Variants in PLEKHG1 observed in about 807,000 individuals in gnomAD.
PLEKHG1 encodes pleckstrin homology domain-containing family G member 1.
PLEKHG1 carries 44 observed loss-of-function variants against 100.8 expected under a neutral mutation model. The ratio of observed to expected loss-of-function variants is 0.44; its 90% CI spans 0.34 to 0.56. The LOEUF (loss-of-function observed/expected upper bound fraction) is 0.56. Among genes scored for constraint, PLEKHG1 ranks in the 20% least tolerant of loss-of-function variants. PLEKHG1 has a pLI of 0.01. For synonymous variants in PLEKHG1, 640 were observed against 662.5 expected, an observed-to-expected ratio of 0.97 and a Z score of 0.52; for missense variants, 1,545 against 1,720.9, an observed-to-expected ratio of 0.90 and a Z score of 1.81.
intron 3 of PLEKHG1, among the ~76,000 whole-genome samples, chr6:150,711,700 G>C (rs1247504142): frequency 1.3e-5 from 2 of 152,156 alleles, no homozygotes; most frequent in Non-Finnish European, 2.9e-5. Flanking sequence ...AAAGGCAGGG[G>C]TGTTTATCTG....
At chr6:150,721,354 G>C (rs948696149) in intron 1 of PLEKHG1, among the ~76,000 whole-genome samples, 12 of 152,160 alleles carry the variant, frequency 7.9e-5, no homozygotes, top group Middle Eastern at 3.4e-3. Context: ...CTGGATCAAG[G>C]AAAACTCTCT....
intron 10 of PLEKHG1, among the ~76,000 whole-genome samples, chr6:150,813,426 C>T (rs1035117099): frequency 3.3e-5 from 5 of 151,760 alleles, no homozygotes; most frequent in Non-Finnish European, 5.9e-5. Context: ...ATTTCAAAAT[C>T]TGCTCAGCAG....
Position 150,763,113 on chromosome 6 carries a change from C to T in PLEKHG1, c.412-5525C>T, listed in dbSNP as rs112458941. On this transcript the variant is annotated intron_variant, in intron 2 of 15. Coordinates refer to ENST00000358517, the Ensembl canonical transcript of PLEKHG1. Reference sequence around the variant, plus strand: ...CACAATCTCAACTCACTGCAACCTCCGCATCCCAGGTTCAAGCAATTCCCC... The same window carrying T: ...CACAATCTCAACTCACTGCAACCTCTGCATCCCAGGTTCAAGCAATTCCCC... 4.2e-4 allele frequency among the ~76,000 whole-genome samples: 61 copies of T among 145,888 alleles called. 1 individual carries two copies. Among genetic ancestry groups the T allele is most frequent in the African/African-American group, 1.4e-3 (52 of 38,056 alleles).
chr6:150,767,774 T>C (rs1784519466), intron 2 of PLEKHG1, among the ~76,000 whole-genome samples: 1 of 152,184 alleles, frequency 6.6e-6, no homozygotes, highest in Non-Finnish European at 1.5e-5. Context: ...CATGTTACGT[T>C]TGGGAGGGAG....
chr6:150,725,622 G>A (rs1240181178), intron 1 of PLEKHG1, among the ~76,000 whole-genome samples: 1 of 152,060 alleles, frequency 6.6e-6, no homozygotes, highest in Non-Finnish European at 1.5e-5. Flanking sequence ...GATTTCCTTT[G>A]CTGTGCAGAA....
At chr6:150,703,736 T>C (rs1163988932) in intron 3 of PLEKHG1, among the ~76,000 whole-genome samples, 1 of 152,200 alleles carries the variant, frequency 6.6e-6, no homozygotes, top group East Asian at 1.9e-4. Context: ...CATTCTTGTG[T>C]CACAGCAGTG....
intron 10 of PLEKHG1, among the ~76,000 whole-genome samples, chr6:150,816,186 C>T (rs758193161): frequency 2.0e-5 from 3 of 152,086 alleles, no homozygotes; most frequent in Non-Finnish European, 4.4e-5. Context: ...ATTTTGGTCA[C>T]TGTCACTGCA....
At chr6:150,628,527 A>AAAACACACAC (rs1777594353) in intron 1 of PLEKHG1, among the ~76,000 whole-genome samples, 3 of 94,788 alleles carry the variant, frequency 3.2e-5, no homozygotes, top group Admixed American at 2.6e-4. Flanking sequence ...TAGATAGGAA[A>AAAACACACAC]ACACACACAC....
upstream of PLEKHG1, among the ~76,000 whole-genome samples, chr6:150,718,063 C>T (rs938217339): frequency 2.0e-5 from 3 of 151,950 alleles, no homozygotes; most frequent in Non-Finnish European, 4.4e-5. Context: ...GGTGACAGAG[C>T]GAGATTCTGT....
intron 5 of PLEKHG1, among the ~76,000 whole-genome samples, chr6:150,796,719 G>A (rs1208883037): frequency 3.9e-5 from 6 of 152,078 alleles, no homozygotes. Flanking sequence ...CTTCATAAGT[G>A]CTAGTTCACC....
At chr6:150,632,012 C>T (rs371664259) in intron 1 of PLEKHG1, among the ~76,000 whole-genome samples, 13 of 152,190 alleles carry the variant, frequency 8.5e-5, no homozygotes, top group African/African-American at 2.9e-4. Flanking sequence ...AGAGAACAGT[C>T]TCACAACTTC....
At chr6:150,754,342 T>C (rs1391082107) in intron 2 of PLEKHG1, among the ~76,000 whole-genome samples, 1 of 152,084 alleles carries the variant, frequency 6.6e-6, no homozygotes, top group East Asian at 1.9e-4. Context: ...TGGTCAAAGA[T>C]GAGCCCAGGA....
chr6:150,665,319 C>T (rs1336504365), intron 3 of PLEKHG1, among the ~76,000 whole-genome samples: 1 of 152,160 alleles, frequency 6.6e-6, no homozygotes, highest in African/African-American at 2.4e-5. Context: ...TTCTTCCTGC[C>T]TGTATCAAGG....
intron 1 of PLEKHG1, among the ~76,000 whole-genome samples, chr6:150,601,644 G>C (rs897751866): frequency 6.6e-6 from 1 of 152,280 alleles, no homozygotes; most frequent in Middle Eastern, 3.4e-3. Context: ...TTTCTTCAGA[G>C]TGCTCCCACC....
At chr6:150,777,970 T>C (rs559019506) in intron 3 of PLEKHG1, among the ~76,000 whole-genome samples, 1 of 152,386 alleles carries the variant, frequency 6.6e-6, no homozygotes, top group African/African-American at 2.4e-5. Context: ...AGGCCCCGAC[T>C]GTGCTCCCAT....
chr6:150,725,094 C>T (rs1376899080), intron 1 of PLEKHG1, among the ~76,000 whole-genome samples: 1 of 152,142 alleles, frequency 6.6e-6, no homozygotes, highest in Non-Finnish European at 1.5e-5. Flanking sequence ...GCTCACAGTT[C>T]CAGAGAGTGG....
chr6:150,754,432 T>C (rs13196740), intron 2 of PLEKHG1, among the ~76,000 whole-genome samples: 27,593 of 151,920 alleles, frequency 0.18, 4,502 homozygotes, highest in African/African-American at 0.44. Flanking sequence ...GAAAATCATG[T>C]TAGATAGGTT....
At chr6:150,735,604 C>T (rs1234812398) in intron 2 of PLEKHG1, among the ~76,000 whole-genome samples, 1 of 152,060 alleles carries the variant, frequency 6.6e-6, no homozygotes, top group African/African-American at 2.4e-5. Context: ...TATGTGGTAC[C>T]AAATGTAGAA....
intron 2 of PLEKHG1, among the ~76,000 whole-genome samples, chr6:150,766,791 G>GT (rs1487877713): frequency 1.3e-5 from 2 of 152,176 alleles, no homozygotes; most frequent in Non-Finnish European, 2.9e-5. Flanking sequence ...GAAGAATTTA[G>GT]TATCAGGTTT....
Sources: gnomAD v4.1 joint callset for allele counts (sites outside exome capture counted in the v4.1 genomes callset) on GRCh38, gnomAD v4.1.1 for gene constraint, MANE v1.5 for transcripts, NCBI Gene and HGNC (gene_info 2026-07-23, HGNC 2026-07-21) for gene names.